Variants in RPS6KA2 observed in about 807,000 individuals in gnomAD.
RPS6KA2 encodes the protein ribosomal protein S6 kinase alpha-2.
A neutral mutation model predicts 91.8 loss-of-function variants in RPS6KA2; 42 were observed. The observed-to-expected ratio is 0.46, with a 90% CI of 0.36 to 0.59. The LOEUF (loss-of-function observed/expected upper bound fraction) is 0.59, where lower values mean the gene tolerates loss of function less well. RPS6KA2 is among the 20% of genes least tolerant of loss of function. RPS6KA2 has a pLI of 0.00. For missense variants in RPS6KA2, 798 were observed against 978.5 expected (o/e 0.82, Z 2.46); for synonymous variants, 414 against 393.6 (o/e 1.05, Z -0.61).
At chr6:166,771,020 G>A (rs1458199107) in intron 2 of RPS6KA2, 28 of 879,530 alleles carry the variant, frequency 3.2e-5, no homozygotes, top group Non-Finnish European at 4.6e-5. Flanking sequence ...AGGCCTGTGA[G>A]CTTTTTGTTT....
chr6:166,592,297 C>T (rs1422894802), intron 1 of RPS6KA2, among the ~76,000 whole-genome samples: 1 of 152,216 alleles, frequency 6.6e-6, no homozygotes, highest in African/African-American at 2.4e-5. Context: ...CAGATTAAAA[C>T]CAGGGAACTC....
intron 14 of RPS6KA2, among the ~76,000 whole-genome samples, chr6:166,440,894 G>C (rs1779499424): frequency 6.6e-6 from 1 of 152,216 alleles, no homozygotes. Flanking sequence ...AACGGGCAAA[G>C]GGTTAAATCA....
chr6:166,515,952 T>C (rs1782630095), intron 3 of RPS6KA2, among the ~76,000 whole-genome samples: 1 of 152,242 alleles, frequency 6.6e-6, no homozygotes, highest in South Asian at 2.1e-4. Flanking sequence ...CGCTGAAGAC[T>C]GGAAAGTCTT....
chr6:166,451,359 GCA>G, intron 12 of RPS6KA2, 126 bp from the exon 13 acceptor site: 94 of 1,012,894 alleles, frequency 9.3e-5, no homozygotes, highest in Admixed American at 1.7e-4. Flanking sequence ...GTGTGTGTGT[GCA>G]CGTGGCGTAT....
intron 2 of RPS6KA2, among the ~76,000 whole-genome samples, chr6:166,775,800 G>A (rs1344318275): frequency 6.6e-6 from 1 of 152,270 alleles, no homozygotes; most frequent in East Asian, 1.9e-4. Flanking sequence ...ACATGCCTGA[G>A]CTCTGGGATT....
intron 1 of RPS6KA2, among the ~76,000 whole-genome samples, chr6:166,567,721 T>C (rs75553087): frequency 6.6e-6 from 1 of 152,180 alleles, no homozygotes; most frequent in South Asian, 2.1e-4. Context: ...TCACAGCACA[T>C]GCTCGGCCCT....
chr6:166,652,487 G>A (rs1787881950), intron 2 of RPS6KA2, among the ~76,000 whole-genome samples: 1 of 152,116 alleles, frequency 6.6e-6, no homozygotes, highest in South Asian at 2.1e-4. Context: ...AAACCACATG[G>A]AGGTTGTCTT....
At chr6:166,481,522 G>A (rs1251659480) in intron 10 of RPS6KA2, among the ~76,000 whole-genome samples, 1 of 152,114 alleles carries the variant, frequency 6.6e-6, no homozygotes, top group Non-Finnish European at 1.5e-5. Flanking sequence ...AGTATGTGCT[G>A]CAGTGTGGAG....
intron 17 of RPS6KA2, among the ~76,000 whole-genome samples, chr6:166,422,847 T>G (rs1003356419): frequency 6.6e-6 from 1 of 151,956 alleles, no homozygotes; most frequent in East Asian, 1.9e-4. Context: ...GCAGAGAAAA[T>G]CCGTAAACTT....
chr6:166,794,980 C>T (rs1004365366), intron 2 of RPS6KA2, among the ~76,000 whole-genome samples: 3 of 149,976 alleles, frequency 2.0e-5, no homozygotes, highest in Non-Finnish European at 4.4e-5. Context: ...GCACATGTAC[C>T]CTAAAACTTA....
At chr6:166,532,842 A>AGTGT (rs1253100999) in intron 2 of RPS6KA2, among the ~76,000 whole-genome samples, 1 of 151,312 alleles carries the variant, frequency 6.6e-6, no homozygotes, top group African/African-American at 2.5e-5. Context: ...AGAGAGAGAG[A>AGTGT]GAGTGTGTGT....
Position 166,451,113 on chromosome 6 carries a change from G to T in RPS6KA2, c.1196C>A (p.Pro399Gln). ...QQDLHKVPVH[P>Q]IVQQLHGNNI... The stretch of plus-strand genomic sequence containing the variant: ...GGCAAACACAGTTACCTGCACGATT[G>T]GGTGAACTGGGACTTTGTGCAGATC... Residue 399 changes from proline to glutamine, a missense_variant, in exon 13 of 21, where the codon CCA becomes CAA. Transcript: ENST00000265678. 6.2e-7 allele frequency: 1 copy of T among 1,614,030 alleles called. No homozygotes were observed. The highest frequency in any genetic ancestry group is 1.1e-5 in the South Asian group (1 of 91,050).
intron 2 of RPS6KA2, among the ~76,000 whole-genome samples, chr6:166,684,957 C>G (rs536181036): frequency 6.6e-6 from 1 of 152,368 alleles, no homozygotes; most frequent in East Asian, 1.9e-4. Flanking sequence ...GCTATCCTTA[C>G]TTGAGAGAGC....
chr6:166,499,418 G>C (rs73253259), intron 7 of RPS6KA2, among the ~76,000 whole-genome samples: 10,483 of 152,284 alleles, frequency 0.069, 1,201 homozygotes, highest in African/African-American at 0.24. Context: ...GACTGATATG[G>C]TTTAGCTGAG....
At chr6:166,526,341 CTTTTTTTTTTTT>C (rs10616497) in intron 3 of RPS6KA2, among the ~76,000 whole-genome samples, 21 of 101,874 alleles carry the variant, frequency 2.1e-4, no homozygotes, top group Non-Finnish European at 3.8e-5. Flanking sequence ...GTTTATATGG[CTTTTTTTTTTTT>C]TTTTTTTTTT....
chr6:166,862,303 C>G, exon 1 of RPS6KA2: 1 of 1,555,446 alleles, frequency 6.4e-7, no homozygotes, highest in Non-Finnish European at 8.7e-7. Context: ...CGGGTGGCGG[C>G]GATGGAGAGG....
At chr6:166,613,003 T>C (rs1213718761) in intron 1 of RPS6KA2, among the ~76,000 whole-genome samples, 1 of 152,252 alleles carries the variant, frequency 6.6e-6, no homozygotes, top group Non-Finnish European at 1.5e-5. Flanking sequence ...CAGAGAAAGC[T>C]GACCCAGAGG....
At chr6:166,527,205 C>T (rs976428278) in intron 3 of RPS6KA2, among the ~76,000 whole-genome samples, 1 of 152,224 alleles carries the variant, frequency 6.6e-6, no homozygotes, top group African/African-American at 2.4e-5. Flanking sequence ...CAGGCAGGCA[C>T]AGATTCCAGC....
chr6:166,422,734 C>T (rs754382803), intron 17 of RPS6KA2, among the ~76,000 whole-genome samples: 2 of 152,196 alleles, frequency 1.3e-5, no homozygotes, highest in African/African-American at 2.4e-5. Flanking sequence ...CACTGAACAA[C>T]GTAAGCTTTC....
Sources: allele counts gnomAD v4.1 joint callset (sites outside exome capture counted in the v4.1 genomes callset), GRCh38; gene constraint gnomAD v4.1.1; transcripts MANE v1.5; gene names NCBI Gene and HGNC (gene_info 2026-07-23, HGNC 2026-07-21).